Variants in ROBO2 observed in about 807,000 individuals in gnomAD.
The protein encoded by ROBO2 is roundabout guidance receptor 2.
Under a neutral mutation model 160.8 loss-of-function variants are expected in ROBO2, and 53 were observed. The observed-to-expected ratio is 0.33, with a 90% CI of 0.26 to 0.41. ROBO2 has a LOEUF of 0.41. Ranked by LOEUF, ROBO2 falls within the 10% of genes least tolerant of loss-of-function variation. The pLI, the probability that ROBO2 is intolerant of heterozygous loss-of-function variation, is 1.00. For missense variants in ROBO2, 1,577 were observed against 1,722.4 expected (o/e 0.92, Z 1.49); for synonymous variants, 664 against 611.7 (o/e 1.09, Z -1.26).
chr3:76,281,114 A>G (rs1421299458), intron 2 of ROBO2, among the ~76,000 whole-genome samples: 1 of 151,924 alleles, frequency 6.6e-6, no homozygotes, highest in Non-Finnish European at 1.5e-5. Flanking sequence ...ATCAAAAATA[A>G]TAAATCCAAC....
At chr3:76,002,671 T>C (rs1354084846) in intron 2 of ROBO2, among the ~76,000 whole-genome samples, 1 of 152,140 alleles carries the variant, frequency 6.6e-6, no homozygotes, top group East Asian at 1.9e-4. Context: ...TCTTTTTCTG[T>C]ATAAATTACC....
chr3:77,317,056 G>C (rs1293395562), intron 2 of ROBO2: 30 of 1,473,432 alleles, frequency 2.0e-5, no homozygotes, highest in Non-Finnish European at 2.7e-5. Flanking sequence ...GTCATTCACA[G>C]TAGTGTGAAG....
intron 2 of ROBO2, among the ~76,000 whole-genome samples, chr3:76,411,897 C>G (rs1192637395): frequency 1.3e-5 from 2 of 152,196 alleles, no homozygotes; most frequent in Admixed American, 1.3e-4. Context: ...ATGGGCCATC[C>G]TCTGTCTTTT....
At chr3:76,099,542 G>A (rs1166427738) in intron 2 of ROBO2, among the ~76,000 whole-genome samples, 2 of 152,150 alleles carry the variant, frequency 1.3e-5, no homozygotes, top group Non-Finnish European at 2.9e-5. Flanking sequence ...CTGAAAAGCA[G>A]TGGATATTTT....
At chr3:76,120,052 G>T (rs929485640) in intron 2 of ROBO2, among the ~76,000 whole-genome samples, 2 of 151,302 alleles carry the variant, frequency 1.3e-5, no homozygotes, top group Non-Finnish European at 2.9e-5. Context: ...CCTGGAGTGC[G>T]GTGGTATGAT....
chr3:76,301,619 G>C (rs1709361353), intron 2 of ROBO2, among the ~76,000 whole-genome samples: 1 of 152,024 alleles, frequency 6.6e-6, no homozygotes, highest in Admixed American at 6.6e-5. Flanking sequence ...GGTGTTATGA[G>C]GTGAAAGTTA....
At chr3:77,400,287 A>C (rs974334092) in intron 2 of ROBO2, among the ~76,000 whole-genome samples, 5 of 152,198 alleles carry the variant, frequency 3.3e-5, no homozygotes, top group African/African-American at 1.2e-4. Context: ...CTAATCAGAC[A>C]AACAGAGCTA....
Position 76,334,306 on chromosome 3 carries a change from C to T in ROBO2, c.109+396704C>T, listed in dbSNP as rs149810688. Among the ~76,000 whole-genome samples the T allele has an allele frequency of 7.9e-5, 12 of 151,970 alleles. No individual in the cohort carries two copies. The East Asian group carries it at 1.4e-3, about 17-fold the overall frequency. ...GTTAGAGAGAAAGGAGCTGGTCTTG[C>T]GTATTTATCACAGCATCCCCCACCT... On this transcript the variant is annotated intron_variant, in intron 2 of 26. Coordinates refer to the ROBO2 transcript ENST00000487694.
chr3:76,151,664 G>C (rs1413189940), intron 2 of ROBO2, among the ~76,000 whole-genome samples: 3 of 152,082 alleles, frequency 2.0e-5, no homozygotes, highest in Non-Finnish European at 4.4e-5. Flanking sequence ...TGAGCCTTCT[G>C]TTCTCTGTTG....
chr3:76,784,929 ACTG>A (rs1286793192), intron 2 of ROBO2, among the ~76,000 whole-genome samples: 3 of 151,134 alleles, frequency 2.0e-5, no homozygotes, highest in Non-Finnish European at 4.4e-5. Flanking sequence ...TCTTTGTGAC[ACTG>A]CTTATCTTAC....
intron 6 of ROBO2, among the ~76,000 whole-genome samples, chr3:77,535,426 C>A (rs1236574292): frequency 6.6e-6 from 1 of 152,084 alleles, no homozygotes; most frequent in Admixed American, 6.5e-5. Flanking sequence ...ACACTTACAA[C>A]TCCTTCTATC....
chr3:76,028,363 A>T (rs750434017), intron 2 of ROBO2, among the ~76,000 whole-genome samples: 56 of 151,956 alleles, frequency 3.7e-4, no homozygotes, highest in Non-Finnish European at 7.2e-4. Flanking sequence ...AAAGATGAAG[A>T]CACTAATAAG....
intron 23 of ROBO2, among the ~76,000 whole-genome samples, chr3:77,627,200 G>A (rs192134489): frequency 8.5e-4 from 130 of 152,210 alleles, no homozygotes; most frequent in Middle Eastern, 6.8e-3. Context: ...GTGAAACAAG[G>A]TATCAAGCAT....
intron 2 of ROBO2, among the ~76,000 whole-genome samples, chr3:75,993,732 C>T (rs968012964): frequency 6.6e-6 from 1 of 152,066 alleles, no homozygotes; most frequent in Non-Finnish European, 1.5e-5. Context: ...AGATTTCTGA[C>T]CTCTTGACTT....
chr3:76,583,895 T>C (rs1436786288), intron 2 of ROBO2, among the ~76,000 whole-genome samples: 1 of 152,218 alleles, frequency 6.6e-6, no homozygotes, highest in Non-Finnish European at 1.5e-5. Flanking sequence ...TCTATTATCA[T>C]TGCGATCCAA....
At chr3:76,641,124 A>C (rs1045365133) in intron 2 of ROBO2, among the ~76,000 whole-genome samples, 1 of 152,232 alleles carries the variant, frequency 6.6e-6, no homozygotes, top group Non-Finnish European at 1.5e-5. Context: ...AAAATATACT[A>C]ATCAATGATA....
intron 2 of ROBO2, among the ~76,000 whole-genome samples, chr3:77,155,421 G>A (rs911578139): frequency 5.9e-5 from 9 of 151,938 alleles, no homozygotes; most frequent in African/African-American, 1.7e-4. Flanking sequence ...TGCTCTAGCT[G>A]GTTTCAAAGA....
chr3:76,677,483 A>G (rs1354879568), intron 2 of ROBO2, among the ~76,000 whole-genome samples: 2 of 152,180 alleles, frequency 1.3e-5, no homozygotes, highest in African/African-American at 4.8e-5. Context: ...GTCAAGGCCC[A>G]GAACCATTGG....
At chr3:77,398,603 A>G (rs928453567) in intron 2 of ROBO2, among the ~76,000 whole-genome samples, 2 of 151,694 alleles carry the variant, frequency 1.3e-5, no homozygotes, top group African/African-American at 4.8e-5. Context: ...TTTTTTTTAG[A>G]GACAGTCTCA....
Sources: allele counts gnomAD v4.1 joint callset (sites outside exome capture counted in the v4.1 genomes callset), GRCh38; gene constraint gnomAD v4.1.1; transcripts MANE v1.5; gene names NCBI Gene and HGNC (gene_info 2026-07-23, HGNC 2026-07-21).